Variants in PUDP observed in about 807,000 individuals in gnomAD.
The protein encoded by PUDP is pseudouridine-5'-phosphatase.
Under a neutral mutation model 9.4 loss-of-function variants are expected in PUDP, and 8 were observed. That is an observed-to-expected ratio of 0.85 (90% confidence interval 0.50 to 1.53). The LOEUF (loss-of-function observed/expected upper bound fraction) is 1.53. Ranked by LOEUF, PUDP falls within the 40% of genes most tolerant of loss-of-function variation. PUDP has a pLI of 0.00. For synonymous variants in PUDP, 99 were observed against 80.7 expected (o/e 1.23, Z -1.22); for missense variants, 188 against 189.7 (o/e 0.99, Z 0.05).
chrX:6,775,393 C>T (rs1041785381), intron 3 of PUDP, among the ~76,000 whole-genome samples: 9 of 110,759 alleles, frequency 8.1e-5, no homozygotes, highest in African/African-American at 1.3e-4. Context: ...GTTAAGAGCC[C>T]TGCTATTAAC....
chrX:6,735,151 A>G (rs1924857062), intron 3 of PUDP, among the ~76,000 whole-genome samples: 1 of 111,734 alleles, frequency 8.9e-6, no homozygotes, highest in Admixed American at 9.5e-5. Context: ...CTTTTCCTGT[A>G]CTCCTCACAA....
chrX:6,986,470 A>G (rs890184403), intron 1 of PUDP, among the ~76,000 whole-genome samples: 1 of 111,320 alleles, frequency 9.0e-6, no homozygotes, highest in African/African-American at 3.3e-5. Context: ...TTATGCTTTC[A>G]TTACAGTGAA....
intron 3 of PUDP, among the ~76,000 whole-genome samples, chrX:6,950,847 G>A (rs186779220): frequency 2.5e-4 from 28 of 112,231 alleles, no homozygotes; most frequent in South Asian, 1.5e-3. Context: ...GGTGGACTTC[G>A]TCCAATCAGG....
At chrX:7,117,292 G>A (rs1275257647) in intron 1 of PUDP, among the ~76,000 whole-genome samples, 6 of 112,125 alleles carry the variant, frequency 5.4e-5, no homozygotes, top group African/African-American at 1.9e-4. Flanking sequence ...AAATGGTTGT[G>A]ATCAAAATGC....
chrX:7,053,891 GGAGAC>G (rs1230967980), intron 3 of PUDP, among the ~76,000 whole-genome samples: 3 of 111,707 alleles, frequency 2.7e-5, no homozygotes, highest in Non-Finnish European at 5.6e-5. Context: ...ACCAGCTCTT[GGAGAC>G]CTTTTTACTG....
chrX:7,087,727 A>G (rs139253126), intron 2 of PUDP, among the ~76,000 whole-genome samples: 4,502 of 111,629 alleles, frequency 0.04, 213 homozygotes, highest in African/African-American at 0.14. Context: ...ATATAAACTA[A>G]CTCCTTTCAA....
intron 1 of PUDP, among the ~76,000 whole-genome samples, chrX:7,007,763 G>A (rs182344498): frequency 8.9e-6 from 1 of 111,857 alleles, no homozygotes; most frequent in East Asian, 2.8e-4. Context: ...CACGACTGAT[G>A]GCACAGACAG....
At chrX:7,094,767 A>G (rs1346750666) in intron 2 of PUDP, among the ~76,000 whole-genome samples, 3 of 111,959 alleles carry the variant, frequency 2.7e-5, no homozygotes, top group Non-Finnish European at 5.6e-5. Context: ...TTTCCTGAAC[A>G]TGGGGCTAAT....
intron 1 of PUDP, among the ~76,000 whole-genome samples, chrX:7,040,744 C>G (rs1043969870): frequency 2.7e-5 from 3 of 111,393 alleles, no homozygotes; most frequent in African/African-American, 9.8e-5. Flanking sequence ...TCCTGTCTTC[C>G]CACATGCACA....
At chrX:6,911,384 G>A (rs1927847418) in intron 3 of PUDP, among the ~76,000 whole-genome samples, 1 of 110,169 alleles carries the variant, frequency 9.1e-6, no homozygotes, top group Non-Finnish European at 1.9e-5. Context: ...AGGAGAGACA[G>A]GGTTTCACCA....
intron 3 of PUDP, among the ~76,000 whole-genome samples, chrX:6,778,789 A>T (rs943506147): frequency 9.8e-5 from 11 of 112,365 alleles, no homozygotes; most frequent in African/African-American, 3.6e-4. Context: ...GGGTTAAATA[A>T]AAACAGTGGT....
chrX:6,986,924 C>T (rs1274942578), intron 1 of PUDP, among the ~76,000 whole-genome samples: 11 of 112,283 alleles, frequency 9.8e-5, no homozygotes, highest in Non-Finnish European at 1.9e-5. Flanking sequence ...CAATCTCAGA[C>T]CTGTTAAGTT....
At chrX:7,035,836 A>G (rs185542920) in intron 1 of PUDP, among the ~76,000 whole-genome samples, 62 of 111,901 alleles carry the variant, frequency 5.5e-4, no homozygotes, top group African/African-American at 1.8e-3. Context: ...TTAGTCCCCA[A>G]TATTGGAGGC....
At chrX:6,824,145 C>T (rs1932479559) in intron 3 of PUDP, among the ~76,000 whole-genome samples, 1 of 111,702 alleles carries the variant, frequency 9.0e-6, no homozygotes, top group Non-Finnish European at 1.9e-5. Flanking sequence ...GCAGTCACCA[C>T]CCCTATGCTG....
In PUDP at chrX:6,859,255, A is replaced by G. The variant is rs752113051; in HGVS notation, c.*247+117878T>C. 7.2e-4 allele frequency among the ~76,000 whole-genome samples: 80 copies of G among 111,652 alleles called. 1 individual carries two copies. The highest frequency in any genetic ancestry group is 4.6e-3 in the Middle Eastern group (1 of 217). The stretch of plus-strand genomic sequence containing the variant: ...TTATTAGCAGCATGAGAACAGACTA[A>G]TACAACACCCCAGTTACACATACTC... On this transcript the variant is annotated intron_variant and NMD_transcript_variant, in intron 3 of 3. Coordinates refer to the PUDP transcript ENST00000655425.
In PUDP at chrX:6,933,235, C is replaced by T. The variant is rs1928232352; in HGVS notation, c.*247+43898G>A. Among the ~76,000 whole-genome samples the T allele has an allele frequency of 4.6e-5, 5 of 109,357 alleles. No individual in the cohort carries two copies. In the South Asian group the frequency reaches 1.6e-3, roughly 35 times the overall value. The allele number at this position is 109,357 out of a possible 115,157, so 95.0% of individuals were successfully genotyped here. On this transcript the variant is annotated intron_variant and NMD_transcript_variant, in intron 3 of 3. Coordinates refer to the PUDP transcript ENST00000655425. Reference sequence around the variant, plus strand: ...GAGCAGCCTAACTGGGAGGCACCCCCCAGTAGGGGCAGACTGACACTTCAC... The same window carrying T: ...GAGCAGCCTAACTGGGAGGCACCCCTCAGTAGGGGCAGACTGACACTTCAC...
chrX:6,962,794 A>G (rs1007966690), intron 3 of PUDP, among the ~76,000 whole-genome samples: 6 of 112,905 alleles, frequency 5.3e-5, no homozygotes, highest in African/African-American at 1.9e-4. Flanking sequence ...TAGAGTTTCA[A>G]ATATATCTGA....
At chrX:7,120,384 A>G (rs966781684) in intron 1 of PUDP, among the ~76,000 whole-genome samples, 3 of 110,713 alleles carry the variant, frequency 2.7e-5, no homozygotes, top group Non-Finnish European at 5.7e-5. Context: ...AATGGCGGCC[A>G]CTCTAGGAGC....
chrX:6,722,654 T>C (rs1329352349), upstream of PUDP, among the ~76,000 whole-genome samples: 1 of 111,410 alleles, frequency 9.0e-6, no homozygotes, highest in Non-Finnish European at 1.9e-5. Flanking sequence ...AGATAAGCCA[T>C]AGACGAACAG....
Sources: gnomAD v4.1 joint callset for allele counts (sites outside exome capture counted in the v4.1 genomes callset) on GRCh38, gnomAD v4.1.1 for gene constraint, MANE v1.5 for transcripts, NCBI Gene and HGNC (gene_info 2026-07-23, HGNC 2026-07-21) for gene names.